The following IDO1 variants were observed in gnomAD, a reference collection of about 807,000 sequenced individuals.
IDO1 encodes the protein indoleamine 2,3-dioxygenase 1.
A neutral mutation model predicts 38.8 loss-of-function variants in IDO1; 35 were observed. The ratio of observed to expected loss-of-function variants is 0.90; its 90% confidence interval spans 0.69 to 1.20. The LOEUF (loss-of-function observed/expected upper bound fraction) is 1.20, where lower values mean the gene tolerates loss of function less well. Among genes scored for constraint, IDO1 ranks in the 50% most tolerant of loss-of-function variants. IDO1 has a pLI of 0.00. For synonymous variants in IDO1, 171 were observed against 170.0 expected (o/e 1.01, Z -0.05); for missense variants, 509 against 485.1 (o/e 1.05, Z -0.46).
intron 9 of IDO1, among the ~76,000 whole-genome samples, chr8:39,925,627 T>C (rs115257647): frequency 0.015 from 2,233 of 152,224 alleles, 53 homozygotes; most frequent in African/African-American, 0.05. Flanking sequence ...CTCAAGCCTG[T>C]AATCCTAGCA....
At chr8:39,926,777 T>G (rs925890986) in intron 9 of IDO1, among the ~76,000 whole-genome samples, 2 of 152,166 alleles carry the variant, frequency 1.3e-5, no homozygotes. Context: ...CTTCTAATGA[T>G]CCCCTCACCC....
intron 1 of IDO1, chr8:39,915,799 G>A (rs778292045): frequency 7.9e-5 from 12 of 151,894 alleles, no homozygotes; most frequent in African/African-American, 2.9e-4. Context: ...ATGAATACCT[G>A]TAGAACAGAT....
At chr8:39,915,574 A>T (rs1459584485) in intron 1 of IDO1, 1 of 152,216 alleles carries the variant, frequency 6.6e-6, no homozygotes, top group Non-Finnish European at 1.5e-5. Context: ...TTTTATTGCC[A>T]AAAGCACTAG....
intron 1 of IDO1, among the ~76,000 whole-genome samples, chr8:39,917,351 C>T (rs1209825641): frequency 6.6e-6 from 1 of 152,180 alleles, no homozygotes; most frequent in Non-Finnish European, 1.5e-5. Flanking sequence ...CAAAAATTAG[C>T]CAGGCATGGT....
chr8:39,923,803 C>G (rs1219888244), intron 7 of IDO1: 1 of 340,306 alleles, frequency 2.9e-6, no homozygotes, highest in Non-Finnish European at 5.3e-6. Flanking sequence ...GGGTAAATGA[C>G]TTCAGATTCC....
At position 39,924,777 on chromosome 8, in the gene IDO1, G is replaced by T. The variant is rs374058636; in HGVS notation, c.707+5G>T. 4 of 1,599,890 alleles carry T rather than the reference G, an allele frequency of 2.5e-6. No homozygotes were observed. In the African/African-American group the frequency reaches 5.4e-5, roughly 21 times the overall value. On this transcript the variant is annotated splice_donor_5th_base_variant and intron_variant, in intron 8 of 9. Transcript: ENST00000518237. ...TCTTCGCATATATTTGTCTGGGTAT[G>T]TAGTCTTATGTTTGAATTTGTTTGC...
chr8:39,922,828 A>C, intron 6 of IDO1, 177 bp downstream of exon 6: 1 of 608,906 alleles, frequency 1.6e-6, no homozygotes, highest in Non-Finnish European at 2.9e-6. Context: ...TAAAATATAA[A>C]ATCTCAGAGC....
At chr8:39,925,501 G>C in intron 9 of IDO1, 130 bp downstream of exon 9, 1 of 916,372 alleles carries the variant, frequency 1.1e-6, no homozygotes, top group Non-Finnish European at 1.6e-6. Flanking sequence ...CAGGCAAGTA[G>C]GGATTTGGTT....
chr8:39,917,315 G>A (rs953310132), intron 1 of IDO1, among the ~76,000 whole-genome samples: 1 of 151,832 alleles, frequency 6.6e-6, no homozygotes, highest in African/African-American at 2.4e-5. Context: ...GGCCAACATG[G>A]CAAAACCCCA....
Position 39,928,277 on chromosome 8 carries a change from A to G in IDO1, c.*92A>G. 1.2e-6 allele frequency: 1 copy of G among 849,010 alleles called. No homozygotes were observed. Among genetic ancestry groups the G allele is most frequent in the Non-Finnish European group, 1.8e-6 (1 of 556,276 alleles). The allele number at this position is 849,010 out of a possible 1,614,324, so 52.6% of individuals were successfully genotyped here. Reference sequence around the variant, plus strand: ...TGTAACAGAGCCACAAACTAATACTATGCAATGTTTTACCAATAATGCAAT... The same window carrying G: ...TGTAACAGAGCCACAAACTAATACTGTGCAATGTTTTACCAATAATGCAAT... On this transcript the variant is annotated 3_prime_UTR_variant, in exon 10 of 10. Coordinates refer to ENST00000518237, the MANE Select transcript of IDO1 (RefSeq NM_002164.6).
intron 5 of IDO1, 21 bp from the exon 6 acceptor site, chr8:39,922,531 T>G (rs1807289663): frequency 2.0e-6 from 3 of 1,538,036 alleles, no homozygotes; most frequent in Non-Finnish European, 2.7e-6. Context: ...ACTTCTTGCC[T>G]TCCTTATCCA....
At chr8:39,918,456 G>A (rs1317423279) in intron 3 of IDO1, 2 of 508,680 alleles carry the variant, frequency 3.9e-6, no homozygotes, top group Non-Finnish European at 6.9e-6. Flanking sequence ...AACTAATACA[G>A]ACTGCAATAT....
chr8:39,928,336 T>C lies in IDO1; in HGVS notation c.*151T>C, dbSNP rs146382455. The C allele has an allele frequency of 9.7e-4, 551 of 569,574 alleles. No homozygotes were observed. Among genetic ancestry groups the C allele is most frequent in the Non-Finnish European group, 1.5e-3 (488 of 327,256 alleles). The allele number at this position is 569,574 out of a possible 1,614,324, so 35.3% of individuals were successfully genotyped here. A position where few individuals can be genotyped will look rare whatever the true frequency, so the allele number is the denominator to read the frequency against. On this transcript the variant is annotated 3_prime_UTR_variant, in exon 10 of 10. Coordinates refer to ENST00000518237, the MANE Select transcript of IDO1 (RefSeq NM_002164.6). The stretch of plus-strand genomic sequence containing the variant: ...CCTCAAAATACCTGTGCATTTCTTG[T>C]AGGAAAACAACAAAAGGTAATTATG...
In IDO1 at chr8:39,923,513, C is replaced by A. The variant is rs1807310379; in HGVS notation, c.582C>A (p.Asp194Glu). 1 of 1,613,022 alleles carries A rather than the reference C, an allele frequency of 6.2e-7. No homozygotes were observed. The highest frequency in any genetic ancestry group is 8.5e-7 in the Non-Finnish European group (1 of 1,179,214). Residue 194 changes from aspartate (D) to glutamate (E), a missense_variant, in exon 7 of 10, where the codon GAC becomes GAA. By Grantham distance (45) the Asp-to-Glu change is conservative. Transcript: ENST00000518237. ...VFKAMQMQER[D>E]TLLKALLEIA... The stretch of plus-strand genomic sequence containing the variant: ...AGGCAATGCAAATGCAAGAACGGGA[C>A]ACTTTGCTAAAGGCGCTGTTGGAAA...
intron 3 of IDO1, 93 bp from the exon 4 acceptor site, chr8:39,918,722 G>C (rs1807218412): frequency 1.4e-6 from 1 of 705,258 alleles, no homozygotes; most frequent in South Asian, 1.8e-5. Flanking sequence ...CTCCAGCCTG[G>C]GGGACAGGAG....
intron 6 of IDO1, chr8:39,923,007 T>C (rs1441718169): frequency 4.6e-6 from 1 of 219,538 alleles, no homozygotes; most frequent in Non-Finnish European, 9.0e-6. Flanking sequence ...GCTATGTGAA[T>C]AAAAACAAAT....
At chr8:39,920,442 C>T (rs943578020) in intron 5 of IDO1, among the ~76,000 whole-genome samples, 13 of 152,176 alleles carry the variant, frequency 8.5e-5, no homozygotes, top group Non-Finnish European at 1.8e-4. Flanking sequence ...AACTAGTTAC[C>T]GGTGTCAATA....
In IDO1 at chr8:39,926,851, C is replaced by G. The variant is rs995091247; in HGVS notation, c.857-979C>G. On this transcript the variant is annotated intron_variant, in intron 9 of 9. Transcript: ENST00000518237. ...CTTTGCTTTCCTTCCTCCCTCCCTCCCCTATTTGAAATCCTCACTGTCTAT... is the reference window on the plus strand; with the variant it reads ...CTTTGCTTTCCTTCCTCCCTCCCTCGCCTATTTGAAATCCTCACTGTCTAT... Among the ~76,000 whole-genome samples, 7 of 152,228 alleles carry G rather than the reference C, an allele frequency of 4.6e-5. No individual in the cohort carries two copies. In the East Asian group the frequency reaches 7.7e-4, roughly 17 times the overall value.
chr8:39,927,485 G>A (rs1038163453), intron 9 of IDO1, among the ~76,000 whole-genome samples: 2 of 151,522 alleles, frequency 1.3e-5, no homozygotes, highest in African/African-American at 2.4e-5. Flanking sequence ...GCTTGAGCCC[G>A]GGAGGCACAG....
Sources: gnomAD v4.1 joint callset for allele counts (sites outside exome capture counted in the v4.1 genomes callset) on GRCh38, gnomAD v4.1.1 for gene constraint, MANE v1.5 for transcripts, NCBI Gene and HGNC (gene_info 2026-07-23, HGNC 2026-07-21) for gene names.